Variants in RABGEF1 observed in about 807,000 individuals in gnomAD.
The protein encoded by RABGEF1 is rab5 GDP/GTP exchange factor.
Under a neutral mutation model 57.3 loss-of-function variants are expected in RABGEF1, and 26 were observed. The observed-to-expected ratio is 0.45, with a 90% confidence interval of 0.33 to 0.63. The LOEUF (loss-of-function observed/expected upper bound fraction) is 0.63, where lower values mean the gene tolerates loss of function less well. RABGEF1 is among the 20% of genes least tolerant of loss of function. The pLI is 0.02. For missense variants in RABGEF1, 464 were observed against 607.6 expected (o/e 0.76, Z 2.48); for synonymous variants, 185 against 210.7 (o/e 0.88, Z 1.06).
intron 1 of RABGEF1, among the ~76,000 whole-genome samples, chr7:66,684,442 C>CAAACA (rs540424952): frequency 3.5e-4 from 54 of 152,124 alleles, no homozygotes; most frequent in Middle Eastern, 6.8e-3. Flanking sequence ...GACTTCGTCT[C>CAAACA]AAACAAAACA....
chr7:66,796,711 C>A (rs1786008253), intron 5 of RABGEF1: 2 of 291,272 alleles, frequency 6.9e-6, no homozygotes, highest in South Asian at 5.2e-5. Context: ...CCTGTCTCAG[C>A]CCCCGAGTGG....
chr7:66,686,556 G>A (rs1473528715), intron 1 of RABGEF1, among the ~76,000 whole-genome samples: 4 of 152,166 alleles, frequency 2.6e-5, no homozygotes, highest in Admixed American at 6.5e-5. Flanking sequence ...CTGTAGAAAC[G>A]TGTGTTATTT....
chr7:66,709,193 G>A (rs1198258964), intron 1 of RABGEF1, among the ~76,000 whole-genome samples: 2 of 151,960 alleles, frequency 1.3e-5, no homozygotes, highest in Non-Finnish European at 2.9e-5. Context: ...ATTTTTAGTA[G>A]AAATGGAGTT....
At chr7:66,665,177 C>T in the RABGEF1 span, 3 of 152,070 alleles carry the variant, frequency 2.0e-5, no homozygotes, top group Non-Finnish European at 1.5e-5. Context: ...TAGAATCTCA[C>T]TGTGTCACCC....
At chr7:66,740,690 G>C (rs1366925885), upstream of RABGEF1, 1 of 152,620 alleles carries the variant, frequency 6.6e-6, no homozygotes, top group East Asian at 1.9e-4. Context: ...GGGGCGGGGC[G>C]AGCAGGAGGG....
At chr7:66,803,105 T>C (rs1016111124) in intron 7 of RABGEF1, among the ~76,000 whole-genome samples, 2 of 152,196 alleles carry the variant, frequency 1.3e-5, no homozygotes, top group Admixed American at 1.3e-4. Flanking sequence ...TAACAATAAT[T>C]ATAACCCAGG....
intron 8 of RABGEF1, among the ~76,000 whole-genome samples, chr7:66,806,577 T>C (rs1010855478): frequency 6.6e-6 from 1 of 151,834 alleles, no homozygotes; most frequent in Non-Finnish European, 1.5e-5. Flanking sequence ...GGTGGTTTAA[T>C]CTGTAGTACT....
chr7:66,680,459 G>A (rs1378217714), upstream of RABGEF1, among the ~76,000 whole-genome samples: 1 of 151,636 alleles, frequency 6.6e-6, no homozygotes, highest in East Asian at 1.9e-4. Flanking sequence ...GGTTCTGCTG[G>A]TCTCTAACTA....
chr7:66,721,979 C>A (rs1562736097), intron 2 of RABGEF1, among the ~76,000 whole-genome samples: 1 of 151,968 alleles, frequency 6.6e-6, no homozygotes, highest in Non-Finnish European at 1.5e-5. Flanking sequence ...TAGTGAGACC[C>A]CCCCTCCGTC....
intron 1 of RABGEF1, among the ~76,000 whole-genome samples, chr7:66,688,422 A>G (rs1277229820): frequency 2.0e-5 from 3 of 152,234 alleles, no homozygotes; most frequent in African/African-American, 4.8e-5. Flanking sequence ...GATCTAATGG[A>G]CATTTACAGA....
chr7:66,745,596 C>A (rs1282500048), intron 1 of RABGEF1, among the ~76,000 whole-genome samples: 1 of 151,946 alleles, frequency 6.6e-6, no homozygotes, highest in East Asian at 1.9e-4. Flanking sequence ...GGCAAAACTC[C>A]GTCTCTACTA....
intron 1 of RABGEF1, among the ~76,000 whole-genome samples, chr7:66,744,284 G>C (rs746827902): frequency 3.3e-5 from 5 of 151,150 alleles, no homozygotes; most frequent in Admixed American, 6.6e-5. Context: ...TGTAATCCTC[G>C]CACTTTGGGA....
upstream of RABGEF1, among the ~76,000 whole-genome samples, chr7:66,737,093 CGAGAGAGAGA>C (rs141745026): frequency 2.4e-5 from 3 of 127,292 alleles, no homozygotes; most frequent in African/African-American, 8.9e-5. Flanking sequence ...AGAGCGAGAG[CGAGAGAGAGA>C]GAGAGAGAGA....
At chr7:66,751,870 A>C (rs1801503164) in intron 1 of RABGEF1, among the ~76,000 whole-genome samples, 1 of 151,866 alleles carries the variant, frequency 6.6e-6, no homozygotes, top group Non-Finnish European at 1.5e-5. Flanking sequence ...CGGATCTTTG[A>C]CTCCTATTTC....
At position 66,800,241 on chromosome 7, in the gene RABGEF1, A is replaced by G. The variant is rs1012533899; in HGVS notation, c.820+827A>G. ...GAGACTCACCCAAGCTACAGAAGAAATGGAGGTTTGCTTAAGGTATTATCA... is the reference window on the plus strand; with the variant it reads ...GAGACTCACCCAAGCTACAGAAGAAGTGGAGGTTTGCTTAAGGTATTATCA... On this transcript the variant is annotated intron_variant, in intron 7 of 8. Coordinates refer to ENST00000284957, the MANE Select transcript of RABGEF1 (RefSeq NM_014504.3). Among the ~76,000 whole-genome samples, 4 of 152,144 alleles carry G rather than the reference A, an allele frequency of 2.6e-5. No individual in the cohort carries two copies. In the South Asian group the frequency reaches 8.3e-4, roughly 32 times the overall value.
In RABGEF1 at chr7:66,705,443, A is replaced by AAGACAAAGAG. The variant is rs540794271; in HGVS notation, c.-872-6721_-872-6720insCAAAGAGAGA. Among the ~76,000 whole-genome samples the AAGACAAAGAG allele has an allele frequency of 5.3e-3, 352 of 66,270 alleles. 4 individuals are homozygous for AAGACAAAGAG. Among genetic ancestry groups the AAGACAAAGAG allele is most frequent in the East Asian group, 0.027 (53 of 1,946 alleles). The allele number at this position is 66,270 out of a possible 152,430, so 43.5% of individuals were successfully genotyped here. On this transcript the variant is annotated intron_variant and NMD_transcript_variant, in intron 1 of 9. Coordinates refer to the RABGEF1 transcript ENST00000607882. ...CAGAGCGAAACTCCATCTCGAAAGAAAGAGAGAGAGAGAGAGAGAGAGAGA... is the reference window on the plus strand; with the variant it reads ...CAGAGCGAAACTCCATCTCGAAAGAAAGACAAAGAGAGAGAGAGAGAGAGAGAGAGAGAGA...
chr7:66,778,602 C>A (rs1326799559), intron 3 of RABGEF1, among the ~76,000 whole-genome samples: 7 of 152,160 alleles, frequency 4.6e-5, no homozygotes, highest in Admixed American at 4.6e-4. Flanking sequence ...CATATCTTTT[C>A]ATTTTTAGAG....
intron 1 of RABGEF1, among the ~76,000 whole-genome samples, chr7:66,711,526 C>G (rs1794778153): frequency 6.6e-6 from 1 of 151,474 alleles, no homozygotes; most frequent in African/African-American, 2.4e-5. Context: ...ATTGAAATGT[C>G]TTTGCAGTTT....
intron 8 of RABGEF1, chr7:66,807,943 A>T (rs1788787403): frequency 6.6e-6 from 1 of 152,072 alleles, no homozygotes; most frequent in Admixed American, 6.5e-5. Context: ...GCACGAGCCA[A>T]CACGCCTGGC....
Sources: gnomAD v4.1 joint callset for allele counts (sites outside exome capture counted in the v4.1 genomes callset) on GRCh38, gnomAD v4.1.1 for gene constraint, MANE v1.5 for transcripts, NCBI Gene and HGNC (gene_info 2026-07-23, HGNC 2026-07-21) for gene names.